ADAMTSL1: variants seen among roughly 807,000 people sequenced by gnomAD.
ADAMTSL1 encodes the protein ADAMTS like 1.
In ADAMTSL1, 126 loss-of-function variants were observed where a neutral mutation model predicts 201.8. The ratio of observed to expected loss-of-function variants is 0.62; its 90% CI spans 0.54 to 0.72. ADAMTSL1 has a LOEUF of 0.72. Among genes scored for constraint, ADAMTSL1 ranks in the 30% least tolerant of loss-of-function variants. The pLI is 0.00. For missense variants in ADAMTSL1, 2,679 were observed against 2,277.8 expected (o/e 1.18, Z -3.59); for synonymous variants, 1,121 against 903.4 (o/e 1.24, Z -4.32).
chr9:18,651,362 A>G (rs947642444), intron 7 of ADAMTSL1: 5 of 152,202 alleles, frequency 3.3e-5, no homozygotes, highest in Non-Finnish European at 5.9e-5. Context: ...TAGAACCTCC[A>G]ACTCAGCTCT....
intron 26 of ADAMTSL1, among the ~76,000 whole-genome samples, chr9:18,893,581 C>CAAAACT (rs1284212717): frequency 6.6e-6 from 1 of 152,304 alleles, no homozygotes; most frequent in East Asian, 1.9e-4. Context: ...CTGAATTTCT[C>CAAAACT]AAAACTTCTG....
At chr9:18,406,877 A>T (rs1818229663) in intron 2 of ADAMTSL1, among the ~76,000 whole-genome samples, 1 of 152,150 alleles carries the variant, frequency 6.6e-6, no homozygotes, top group South Asian at 2.1e-4. Context: ...GTTTTTCCTC[A>T]TTTGTAAAAC....
chr9:18,117,275 T>G (rs1028153897), intron 1 of ADAMTSL1, among the ~76,000 whole-genome samples: 4 of 152,180 alleles, frequency 2.6e-5, no homozygotes, highest in Non-Finnish European at 4.4e-5. Flanking sequence ...TGCCCCTCTT[T>G]CAGAGTTAAG....
At chr9:18,632,537 G>T (rs367792369) in intron 5 of ADAMTSL1, among the ~76,000 whole-genome samples, 83 of 152,108 alleles carry the variant, frequency 5.5e-4, no homozygotes, top group African/African-American at 1.9e-3. Context: ...TCATCTGTGG[G>T]GTGTAGTATT....
chr9:18,034,306 C>G (rs1027500559), intron 1 of ADAMTSL1, among the ~76,000 whole-genome samples: 2 of 152,074 alleles, frequency 1.3e-5, no homozygotes, highest in Non-Finnish European at 1.5e-5. Flanking sequence ...TCCACTGAAA[C>G]TCCTTTCTTT....
At chr9:18,282,710 C>A (rs1352813231) in intron 2 of ADAMTSL1, among the ~76,000 whole-genome samples, 1 of 152,100 alleles carries the variant, frequency 6.6e-6, no homozygotes, top group Non-Finnish European at 1.5e-5. Context: ...CCAGCCTGAC[C>A]AACATGGAGA....
chr9:18,052,553 G>C (rs1159742399), intron 1 of ADAMTSL1, among the ~76,000 whole-genome samples: 3 of 152,190 alleles, frequency 2.0e-5, no homozygotes, highest in Non-Finnish European at 2.9e-5. Flanking sequence ...TTGCTTGGCA[G>C]CTCTGTGCCT....
At chr9:18,438,938 C>T (rs550344984) in intron 2 of ADAMTSL1, among the ~76,000 whole-genome samples, 1 of 152,290 alleles carries the variant, frequency 6.6e-6, no homozygotes, top group Admixed American at 6.5e-5. Context: ...AGCCTTTGTC[C>T]CCCACCCGCA....
chr9:18,548,697 C>A (rs1291687782), intron 3 of ADAMTSL1, among the ~76,000 whole-genome samples: 2 of 151,742 alleles, frequency 1.3e-5, no homozygotes, highest in Non-Finnish European at 2.9e-5. Context: ...GTAAGTGACA[C>A]AAATAATGAG....
intron 14 of ADAMTSL1, among the ~76,000 whole-genome samples, chr9:18,714,354 A>T (rs1832787877): frequency 6.6e-6 from 1 of 152,168 alleles, no homozygotes; most frequent in Admixed American, 6.5e-5. Context: ...GACCGCTAGC[A>T]AGACTAATAA....
Position 18,829,891 on chromosome 9 carries a change from C to G in ADAMTSL1, c.4163C>G (p.Ala1388Gly). The G allele has an allele frequency of 6.2e-7, 1 of 1,613,986 alleles. No homozygotes were observed. Among genetic ancestry groups the G allele is most frequent in the South Asian group, 1.1e-5 (1 of 91,078 alleles). Residue 1388 changes from alanine to glycine, a missense_variant, in exon 23 of 29, where the codon GCT (alanine) becomes GGT (glycine). Ala to Gly is a moderately conservative substitution (Grantham distance 60). Coordinates refer to ENST00000380548, the MANE Select transcript of ADAMTSL1 (RefSeq NM_001040272.6). ...TTGGAAGACATCAGGGCCTTGCTCG[C>G]TGCCACTGGACCGAACCTTCCTTCA... ...TQLEDIRALL[A>G]ATGPNLPSVL...
chr9:18,739,132 A>C (rs554119889), intron 15 of ADAMTSL1, among the ~76,000 whole-genome samples: 66 of 152,332 alleles, frequency 4.3e-4, no homozygotes, highest in African/African-American at 1.5e-3. Flanking sequence ...GAATTAGTAC[A>C]TGTGAAGTTC....
At chr9:18,529,675 C>G (rs1046481548) in intron 2 of ADAMTSL1, among the ~76,000 whole-genome samples, 3 of 152,136 alleles carry the variant, frequency 2.0e-5, no homozygotes, top group Non-Finnish European at 2.9e-5. Context: ...ATAGTAGAGA[C>G]TAGTGTTTCT....
intron 2 of ADAMTSL1, among the ~76,000 whole-genome samples, chr9:18,171,285 T>C (rs1357782789): frequency 6.6e-6 from 1 of 151,994 alleles, no homozygotes; most frequent in Non-Finnish European, 1.5e-5. Flanking sequence ...AATGGTTACA[T>C]AAAAACAAAT....
intron 1 of ADAMTSL1, among the ~76,000 whole-genome samples, chr9:17,967,738 T>C (rs924106482): frequency 2.6e-5 from 4 of 152,166 alleles, no homozygotes; most frequent in Non-Finnish European, 4.4e-5. Context: ...TTGTGTCCTA[T>C]TGAGGATGGT....
intron 2 of ADAMTSL1, among the ~76,000 whole-genome samples, chr9:18,378,712 T>C (rs975684744): frequency 4.6e-5 from 7 of 152,224 alleles, no homozygotes; most frequent in Non-Finnish European, 1.0e-4. Flanking sequence ...ATCCTTACTA[T>C]GTACATTAAG....
chr9:18,423,012 G>T (rs773286136), intron 2 of ADAMTSL1, among the ~76,000 whole-genome samples: 1 of 152,188 alleles, frequency 6.6e-6, no homozygotes, highest in Non-Finnish European at 1.5e-5. Flanking sequence ...CTGTGTGTAA[G>T]ACCTTTGTAT....
rs1194806366 is a variant in ADAMTSL1 at position 18,681,700 on chromosome 9, G to GGAGC, written c.1342-111_1342-110insAGCG. On this transcript the variant is annotated intron_variant, in intron 11 of 28. Coordinates refer to ENST00000380548, the MANE Select transcript of ADAMTSL1 (RefSeq NM_001040272.6). ...AAATTTACCAGGAGTCCTCGTGTGG[G>GGAGC]GGGGGGGGGCGGGGAAAAAGAAAAC... The GGAGC allele has an allele frequency of 2.5e-5, 17 of 673,390 alleles. 2 individuals are homozygous for GGAGC. The highest frequency in any genetic ancestry group is 9.4e-5 in the African/African-American group (4 of 42,490). 41.7% of individuals were successfully genotyped at this position (673,390 alleles called of 1,614,324 possible). A position where few individuals can be genotyped will look rare whatever the true frequency, so the allele number is the denominator to read the frequency against.
At chr9:18,650,916 T>C (rs1828201811) in intron 7 of ADAMTSL1, among the ~76,000 whole-genome samples, 1 of 152,194 alleles carries the variant, frequency 6.6e-6, no homozygotes, top group African/African-American at 2.4e-5. Flanking sequence ...TACTCCCTAC[T>C]CTTGAAGGAG....
Sources: gnomAD v4.1 joint callset for allele counts (sites outside exome capture counted in the v4.1 genomes callset) on GRCh38, gnomAD v4.1.1 for gene constraint, MANE v1.5 for transcripts, NCBI Gene and HGNC (gene_info 2026-07-23, HGNC 2026-07-21) for gene names.